The following NOPCHAP1 variants were observed in gnomAD, a reference collection of about 807,000 sequenced individuals.
The protein encoded by NOPCHAP1 is NOP protein chaperone 1.
NOPCHAP1 carries 13 observed loss-of-function variants against 14.0 expected under a neutral mutation model. The observed-to-expected ratio is 0.93, with a 90% CI of 0.60 to 1.47. The LOEUF is 1.47. Among genes scored for constraint, NOPCHAP1 ranks in the 40% most tolerant of loss-of-function variants. The probability of loss-of-function intolerance (pLI) is 0.00; values close to 1 mark genes in which losing one functional copy is unlikely to be tolerated. For missense variants in NOPCHAP1, 230 were observed against 226.9 expected (o/e 1.01, Z -0.09); for synonymous variants, 78 against 78.4 (o/e 1.00, Z 0.03).
At chr12:104,986,859 T>C (rs1221299083) in intron 1 of NOPCHAP1, among the ~76,000 whole-genome samples, 2 of 152,126 alleles carry the variant, frequency 1.3e-5, no homozygotes, top group East Asian at 3.8e-4. Context: ...GGAGTAATAT[T>C]ATGCTAACAG....
chr12:104,990,490 G>GGGA (rs1392305143), intron 2 of NOPCHAP1, among the ~76,000 whole-genome samples: 1 of 152,180 alleles, frequency 6.6e-6, no homozygotes, highest in Non-Finnish European at 1.5e-5. Context: ...CATGCTCTTA[G>GGGA]GGAGTCCTTC....
At position 105,007,415 on chromosome 12, in the gene NOPCHAP1, A is replaced by G. The variant is rs1873728731; in HGVS notation, c.*12719A>G. 1 of 152,120 alleles carries G rather than the reference A, an allele frequency of 6.6e-6. No individual in the cohort carries two copies. Among genetic ancestry groups the G allele is most frequent in the South Asian group, 2.1e-4 (1 of 4,830 alleles). The allele number at this position is 152,120 out of a possible 1,614,324, so 9.4% of individuals were successfully genotyped here. On this transcript the variant is annotated 3_prime_UTR_variant, in exon 4 of 4. Transcript: ENST00000552951. Reference sequence around the variant, plus strand: ...TCAAGCAATTCATATTTTTCTTGTAATGTCATGACTTTTCTCTGCTTCTTG... The same window carrying G: ...TCAAGCAATTCATATTTTTCTTGTAGTGTCATGACTTTTCTCTGCTTCTTG...
Position 105,005,898 on chromosome 12 carries a change from G to C in NOPCHAP1, c.*11202G>C, listed in dbSNP as rs998056091. 1 of 152,226 alleles carries C rather than the reference G, an allele frequency of 6.6e-6. No homozygotes were observed. Among genetic ancestry groups the C allele is most frequent in the African/African-American group, 2.4e-5 (1 of 41,468 alleles). The allele number at this position is 152,226 out of a possible 1,614,324, so 9.4% of individuals were successfully genotyped here. On this transcript the variant is annotated 3_prime_UTR_variant, in exon 4 of 4. Coordinates refer to ENST00000552951, the MANE Select transcript of NOPCHAP1 (RefSeq NM_152318.3). ...TTGAATGATCAGAACCCTTCTGCCA[G>C]ATTGTCTAATGTCAATGTGTTTTCT...
Position 104,986,329 on chromosome 12 carries a change from TGA to T in NOPCHAP1, c.-20_-19del, listed in dbSNP as rs777470228. ...CGAGCCTTTTTCCTGCATCCGGGCC[TGA>T]GAGTGCAGGCTTGAGGGAAGCATGG... On this transcript the variant is annotated 5_prime_UTR_variant, in exon 1 of 4. Coordinates refer to ENST00000552951, the MANE Select transcript of NOPCHAP1 (RefSeq NM_152318.3). 6.3e-7 allele frequency: 1 copy of T among 1,582,394 alleles called. No homozygotes were observed. The highest frequency in any genetic ancestry group is 8.6e-7 in the Non-Finnish European group (1 of 1,161,214).
rs542875080 is a variant in NOPCHAP1 at position 104,999,923 on chromosome 12, T to G, written c.*5227T>G. On this transcript the variant is annotated 3_prime_UTR_variant, in exon 4 of 4. Transcript: ENST00000552951. ...TTCCCTTCATCCACTCTCAGTGCCC[T>G]CCCTCTGAAGATCTGCTGGGAGTGC... 2.0e-4 allele frequency: 31 copies of G among 152,330 alleles called. No homozygotes were observed. Among genetic ancestry groups the G allele is most frequent in the African/African-American group, 6.0e-4 (25 of 41,550 alleles). 9.4% of individuals were successfully genotyped at this position (152,330 alleles called of 1,614,324 possible).
chr12:105,002,664 G>A lies in NOPCHAP1; in HGVS notation c.*7968G>A, dbSNP rs1056090810. On this transcript the variant is annotated 3_prime_UTR_variant, in exon 4 of 4. Coordinates refer to ENST00000552951, the MANE Select transcript of NOPCHAP1 (RefSeq NM_152318.3). Reference sequence around the variant, plus strand: ...GGGGAGTCTTTAATATCCTGATTAAGTTTTTCCCATTCTCTTGTCATACAT... The same window carrying A: ...GGGGAGTCTTTAATATCCTGATTAAATTTTTCCCATTCTCTTGTCATACAT... The A allele has an allele frequency of 6.6e-6, 1 of 152,174 alleles. No individual in the cohort carries two copies. Among genetic ancestry groups the A allele is most frequent in the Non-Finnish European group, 1.5e-5 (1 of 68,022 alleles). 9.4% of individuals were successfully genotyped at this position (152,174 alleles called of 1,614,324 possible).
chr12:104,986,433 G>A lies in NOPCHAP1; in HGVS notation c.81G>A (p.Lys27=). The change falls in exon 1 of 4, where the codon AAG becomes AAA. Residue 27 remains lysine (K), a synonymous_variant. Transcript: ENST00000552951. The stretch of plus-strand genomic sequence containing the variant: ...ATTCCTCAGGAGTCCCAGTGTCCAA[G>A]GAGCTGCTGACGGCGGGAAGCGACG... ...TRDSSGVPVS[K]ELLTAGSDGR... 6.2e-7 allele frequency: 1 copy of A among 1,608,960 alleles called. No homozygotes were observed. Among genetic ancestry groups the A allele is most frequent in the African/African-American group, 1.3e-5 (1 of 74,810 alleles).
rs1180856555 is a variant in NOPCHAP1 at position 105,001,076 on chromosome 12, C to T, written c.*6380C>T. 1 of 151,792 alleles carries T rather than the reference C, an allele frequency of 6.6e-6. No individual in the cohort carries two copies. Among genetic ancestry groups the T allele is most frequent in the African/African-American group, 2.4e-5 (1 of 41,298 alleles). 9.4% of individuals were successfully genotyped at this position (151,792 alleles called of 1,614,324 possible). The stretch of plus-strand genomic sequence containing the variant: ...GTTTCATTTGTTCTTTTGAGCTTTC[C>T]AGAAGATTAAGGGTGTTAGGGATGA... On this transcript the variant is annotated 3_prime_UTR_variant, in exon 4 of 4. Transcript: ENST00000552951.
In NOPCHAP1 at chr12:104,991,756, A is replaced by G. The variant is rs759991708; in HGVS notation, c.247A>G (p.Asn83Asp). 18 of 1,613,766 alleles carry G rather than the reference A, an allele frequency of 1.1e-5. No homozygotes were observed. Among genetic ancestry groups the G allele is most frequent in the Middle Eastern group, 1.6e-4 (1 of 6,084 alleles). The change falls in exon 3 of 4, where the codon AAT (asparagine) becomes GAT (aspartate). Residue 83 changes from asparagine (N) to aspartate (D), a missense_variant. Transcript: ENST00000552951. Reference protein sequence around the residue: ...QTFLPQMARANEKLRKEMAAA... With the variant: ...QTFLPQMARADEKLRKEMAAA... ...ATTTCTCCCACAGATGGCACGGGCA[A>G]ATGAAAAGCTAAGAAAAGAAATGGC...
chr12:105,009,673 A>C lies in NOPCHAP1; in HGVS notation c.*14977A>C, dbSNP rs900069153. On this transcript the variant is annotated 3_prime_UTR_variant, in exon 4 of 4. Coordinates refer to ENST00000552951, the MANE Select transcript of NOPCHAP1 (RefSeq NM_152318.3). The stretch of plus-strand genomic sequence containing the variant: ...AGTTTATTGAGAGTTTTTAGCATGA[A>C]GGGGTGTTGAATTTTATCAAAGGCC... 1 of 152,172 alleles carries C rather than the reference A, an allele frequency of 6.6e-6. No homozygotes were observed. Among genetic ancestry groups the C allele is most frequent in the South Asian group, 2.1e-4 (1 of 4,828 alleles). 9.4% of individuals were successfully genotyped at this position (152,172 alleles called of 1,614,324 possible).
chr12:105,007,197 G>C lies in NOPCHAP1; in HGVS notation c.*12501G>C, dbSNP rs549582595. 1 of 152,020 alleles carries C rather than the reference G, an allele frequency of 6.6e-6. No individual in the cohort carries two copies. The highest frequency in any genetic ancestry group is 1.9e-4 in the East Asian group (1 of 5,166). The allele number at this position is 152,020 out of a possible 1,614,324, so 9.4% of individuals were successfully genotyped here. A position where few individuals can be genotyped will look rare whatever the true frequency, so the allele number is the denominator to read the frequency against. On this transcript the variant is annotated 3_prime_UTR_variant, in exon 4 of 4. Coordinates refer to ENST00000552951, the MANE Select transcript of NOPCHAP1 (RefSeq NM_152318.3). ...CTGTAGCCTTTTTGATAGCAATCCTGTACCCACATAAAAGCTGCATTTTCA... is the reference window on the plus strand; with the variant it reads ...CTGTAGCCTTTTTGATAGCAATCCTCTACCCACATAAAAGCTGCATTTTCA...
In NOPCHAP1 at chr12:105,014,386, A is replaced by C. The variant is rs966299734; in HGVS notation, c.*19690A>C. On this transcript the variant is annotated 3_prime_UTR_variant, in exon 4 of 4. Coordinates refer to ENST00000552951, the MANE Select transcript of NOPCHAP1 (RefSeq NM_152318.3). Reference sequence around the variant, plus strand: ...TAATTTTTTTTAAGCCATGCAGTTCATCTGTGAATTTTTTCAAATTGTCAC... The same window carrying C: ...TAATTTTTTTTAAGCCATGCAGTTCCTCTGTGAATTTTTTCAAATTGTCAC... The C allele has an allele frequency of 3.3e-5, 5 of 152,180 alleles. No individual in the cohort carries two copies. Among genetic ancestry groups the C allele is most frequent in the African/African-American group, 1.2e-4 (5 of 41,440 alleles). 9.4% of individuals were successfully genotyped at this position (152,180 alleles called of 1,614,324 possible).
At position 105,007,448 on chromosome 12, in the gene NOPCHAP1, T is replaced by G. The variant is rs953779185; in HGVS notation, c.*12752T>G. On this transcript the variant is annotated 3_prime_UTR_variant, in exon 4 of 4. Coordinates refer to ENST00000552951, the MANE Select transcript of NOPCHAP1 (RefSeq NM_152318.3). ...ACTTTTCTCTGCTTCTTGGAAGAAA[T>G]TCCAACATCACTAGTAGCACTTTAT... 6.6e-6 allele frequency: 1 copy of G among 152,192 alleles called. No individual in the cohort carries two copies. Among genetic ancestry groups the G allele is most frequent in the East Asian group, 1.9e-4 (1 of 5,192 alleles). 9.4% of individuals were successfully genotyped at this position (152,192 alleles called of 1,614,324 possible). A position where few individuals can be genotyped will look rare whatever the true frequency, so the allele number is the denominator to read the frequency against.
intron 1 of NOPCHAP1, among the ~76,000 whole-genome samples, chr12:104,987,130 A>C (rs932775153): frequency 1.3e-5 from 2 of 152,240 alleles, no homozygotes; most frequent in African/African-American, 4.8e-5. Flanking sequence ...ATGCCTAAAA[A>C]GGCTTGGGCA....
chr12:105,000,790 C>T lies in NOPCHAP1; in HGVS notation c.*6094C>T, dbSNP rs1565940650. ...TCCTCCATTGATAGATCGTGAAAGG[C>T]TTTTTTTTTAACCTGGTGAAAATAT... On this transcript the variant is annotated 3_prime_UTR_variant, in exon 4 of 4. Transcript: ENST00000552951. The T allele has an allele frequency of 6.7e-6, 1 of 150,160 alleles. No individual in the cohort carries two copies. Among genetic ancestry groups the T allele is most frequent in the African/African-American group, 2.4e-5 (1 of 40,892 alleles). 9.3% of individuals were successfully genotyped at this position (150,160 alleles called of 1,614,324 possible).
chr12:104,992,894 G>C (rs1269707544), intron 3 of NOPCHAP1, among the ~76,000 whole-genome samples: 1 of 152,056 alleles, frequency 6.6e-6, no homozygotes, highest in Admixed American at 6.5e-5. Context: ...CCACAAAACT[G>C]GTCCCTGGTA....
At position 105,005,160 on chromosome 12, in the gene NOPCHAP1, TACTC is replaced by T. The variant is rs1873683406; in HGVS notation, c.*10466_*10469del. 1 of 151,856 alleles carries T rather than the reference TACTC, an allele frequency of 6.6e-6. No individual in the cohort carries two copies. The highest frequency in any genetic ancestry group is 1.5e-5 in the Non-Finnish European group (1 of 68,034). 9.4% of individuals were successfully genotyped at this position (151,856 alleles called of 1,614,324 possible). A position where few individuals can be genotyped will look rare whatever the true frequency, so the allele number is the denominator to read the frequency against. ...GTAATTTCTGTCTGACTTTCTTACT[TACTC>T]ATTTTGTTACCAGTGGAGGGTCTTG... On this transcript the variant is annotated 3_prime_UTR_variant, in exon 4 of 4. Coordinates refer to ENST00000552951, the MANE Select transcript of NOPCHAP1 (RefSeq NM_152318.3).
Position 105,010,343 on chromosome 12 carries a change from G to A in NOPCHAP1, c.*15647G>A, listed in dbSNP as rs1197583057. ...GATATCCCCTTTATCATTTTTTATTGTGTCTGTTTGATTCTTCTCTCTTTT... is the reference window on the plus strand; with the variant it reads ...GATATCCCCTTTATCATTTTTTATTATGTCTGTTTGATTCTTCTCTCTTTT... On this transcript the variant is annotated 3_prime_UTR_variant, in exon 4 of 4. Transcript: ENST00000552951. 5.3e-5 allele frequency: 8 copies of A among 151,396 alleles called. No individual in the cohort carries two copies. Among genetic ancestry groups the A allele is most frequent in the African/African-American group, 1.9e-4 (8 of 41,232 alleles). The allele number at this position is 151,396 out of a possible 1,614,324, so 9.4% of individuals were successfully genotyped here.
rs533025207 is a variant in NOPCHAP1, at chr12:104,991,418, C to T, written c.203-294C>T. 3.3e-5 allele frequency among the ~76,000 whole-genome samples: 5 copies of T among 152,304 alleles called. No individual in the cohort carries two copies. In the South Asian group the frequency reaches 1.0e-3, roughly 32 times the overall value. On this transcript the variant is annotated intron_variant, in intron 2 of 3. Coordinates refer to ENST00000552951, the MANE Select transcript of NOPCHAP1 (RefSeq NM_152318.3). The stretch of plus-strand genomic sequence containing the variant: ...AAGCCTCAGAACCTGGTGCTCTTAA[C>T]TGTTAAGTCACACTGCCTCCCTATT...
Sources: allele counts gnomAD v4.1 joint callset (sites outside exome capture counted in the v4.1 genomes callset), GRCh38; gene constraint gnomAD v4.1.1; transcripts MANE v1.5; gene names NCBI Gene and HGNC (gene_info 2026-07-23, HGNC 2026-07-21).